Variants in ABRAXAS2 observed in about 807,000 individuals in gnomAD.
The protein encoded by ABRAXAS2 is BRISC complex subunit Abraxas 2.
Under a neutral mutation model 49.0 loss-of-function variants are expected in ABRAXAS2, and 23 were observed. The observed-to-expected ratio is 0.47, with a 90% CI of 0.34 to 0.66. The LOEUF (loss-of-function observed/expected upper bound fraction) is 0.66. Ranked by LOEUF, ABRAXAS2 falls within the 30% of genes least tolerant of loss-of-function variation. The pLI is 0.01. For synonymous variants in ABRAXAS2, 168 were observed against 180.2 expected, an observed-to-expected ratio of 0.93 and a Z score of 0.54; for missense variants, 443 against 511.9, an observed-to-expected ratio of 0.87 and a Z score of 1.30.
chr10:124,805,414 A>G (rs1197462286), intron 1 of ABRAXAS2, among the ~76,000 whole-genome samples: 1 of 152,248 alleles, frequency 6.6e-6, no homozygotes, highest in East Asian at 1.9e-4. Flanking sequence ...ATGTTTTTAA[A>G]CAGGAAACTT....
At chr10:124,804,193 G>A (rs570225742) in intron 1 of ABRAXAS2, among the ~76,000 whole-genome samples, 10 of 152,238 alleles carry the variant, frequency 6.6e-5, no homozygotes, top group Non-Finnish European at 1.0e-4. Context: ...GTGACCCACC[G>A]CATCTGACCT....
intron 8 of ABRAXAS2, among the ~76,000 whole-genome samples, chr10:124,832,990 AC>A (rs1273724027): frequency 6.6e-6 from 1 of 151,392 alleles, no homozygotes; most frequent in Non-Finnish European, 1.5e-5. Context: ...TACTAAAAAT[AC>A]AAAAATTAGC....
At chr10:124,819,973 T>A (rs888099278) in intron 4 of ABRAXAS2, among the ~76,000 whole-genome samples, 1 of 152,336 alleles carries the variant, frequency 6.6e-6, no homozygotes, top group Non-Finnish European at 1.5e-5. Context: ...TAATTTACCG[T>A]GTTATACTAT....
intron 4 of ABRAXAS2, among the ~76,000 whole-genome samples, chr10:124,823,807 G>A (rs1950877625): frequency 6.6e-6 from 1 of 152,210 alleles, no homozygotes; most frequent in African/African-American, 2.4e-5. Flanking sequence ...CAGTAGCTTT[G>A]CAACTAGTTT....
chr10:124,832,611 G>A (rs1319546327), intron 8 of ABRAXAS2, among the ~76,000 whole-genome samples: 5 of 151,618 alleles, frequency 3.3e-5, no homozygotes, highest in Non-Finnish European at 5.9e-5. Flanking sequence ...TTGGGAGGCC[G>A]AGGCAGGCAG....
At chr10:124,808,753 G>T (rs1171672753) in intron 2 of ABRAXAS2, among the ~76,000 whole-genome samples, 5 of 152,194 alleles carry the variant, frequency 3.3e-5, no homozygotes, top group Non-Finnish European at 7.3e-5. Flanking sequence ...ACAGAACGAG[G>T]TCTGCATAAA....
At chr10:124,834,297 T>G (rs1950953435) in intron 8 of ABRAXAS2, among the ~76,000 whole-genome samples, 1 of 152,192 alleles carries the variant, frequency 6.6e-6, no homozygotes, top group South Asian at 2.1e-4. Context: ...CTTCAGAAAT[T>G]TGTCATGGCC....
chr10:124,828,235 G>A (rs933906276), intron 5 of ABRAXAS2, among the ~76,000 whole-genome samples: 55 of 152,042 alleles, frequency 3.6e-4, no homozygotes, highest in Admixed American at 1.3e-4. Flanking sequence ...CTTACCCTGT[G>A]ACCAGGCTGG....
chr10:124,826,817 TAAG>T (rs1950899098), intron 5 of ABRAXAS2, 32 bp downstream of exon 5: 3 of 1,606,500 alleles, frequency 1.9e-6, no homozygotes, highest in Admixed American at 1.7e-5. Context: ...GCCTCACATA[TAAG>T]AAGGACGTTG....
At chr10:124,816,222 A>G (rs528907377) in intron 2 of ABRAXAS2, among the ~76,000 whole-genome samples, 21 of 152,066 alleles carry the variant, frequency 1.4e-4, no homozygotes, top group African/African-American at 5.1e-4. Flanking sequence ...CTTTTATCCC[A>G]CTTGATTAAA....
chr10:124,818,041 TC>T (rs1192860863), intron 3 of ABRAXAS2, among the ~76,000 whole-genome samples: 1 of 152,130 alleles, frequency 6.6e-6, no homozygotes, highest in African/African-American at 2.4e-5. Context: ...CTCAGCCTTC[TC>T]AGGAATTCAT....
chr10:124,819,918 A>G (rs1950851084), intron 4 of ABRAXAS2, among the ~76,000 whole-genome samples: 1 of 152,248 alleles, frequency 6.6e-6, no homozygotes, highest in Non-Finnish European at 1.5e-5. Context: ...AACTGAAAAT[A>G]AACCAAAGTT....
chr10:124,801,850 C>T lies in ABRAXAS2; in HGVS notation c.21C>T (p.Gly7=). 10 of 1,613,552 alleles carry T rather than the reference C, an allele frequency of 6.2e-6. No homozygotes were observed. Among genetic ancestry groups the T allele is most frequent in the Non-Finnish European group, 8.5e-6 (10 of 1,179,830 alleles). Residue 7 remains glycine, a synonymous_variant, in exon 1 of 9, where the codon GGC becomes GGT. Transcript: ENST00000298492. The stretch of plus-strand genomic sequence containing the variant: ...CCATCATGGCGGCGTCCATTTCGGG[C>T]TACACCTTCAGTGCTGTGTGTTTCC... MAASIS[G]YTFSAVCFHS... is the part of the protein sequence containing the mutation.
At chr10:124,813,893 T>C (rs930832884) in intron 2 of ABRAXAS2, among the ~76,000 whole-genome samples, 1 of 152,246 alleles carries the variant, frequency 6.6e-6, no homozygotes, top group Non-Finnish European at 1.5e-5. Context: ...GTTTTTCTTT[T>C]CCCTGAACTC....
At chr10:124,810,537 G>C (rs1296718823) in intron 2 of ABRAXAS2, among the ~76,000 whole-genome samples, 1 of 151,910 alleles carries the variant, frequency 6.6e-6, no homozygotes, top group Non-Finnish European at 1.5e-5. Context: ...AAAGAAAAAA[G>C]ACTTGCGATG....
At chr10:124,832,367 A>G (rs561665503) in intron 8 of ABRAXAS2, among the ~76,000 whole-genome samples, 2 of 152,320 alleles carry the variant, frequency 1.3e-5, no homozygotes, top group Admixed American at 6.5e-5. Flanking sequence ...TAACACCACC[A>G]GAATTAATAT....
At chr10:124,812,798 A>G (rs540851788) in intron 2 of ABRAXAS2, among the ~76,000 whole-genome samples, 42 of 152,368 alleles carry the variant, frequency 2.8e-4, no homozygotes, top group African/African-American at 9.1e-4. Context: ...CAGAATAACA[A>G]TGTTTTAAAT....
At chr10:124,808,730 C>T (rs542053365) in intron 2 of ABRAXAS2, among the ~76,000 whole-genome samples, 2 of 152,308 alleles carry the variant, frequency 1.3e-5, no homozygotes, top group Non-Finnish European at 2.9e-5. Context: ...ATGGGCAGTA[C>T]ATTCAGGGGA....
intron 2 of ABRAXAS2, among the ~76,000 whole-genome samples, chr10:124,811,952 T>C (rs1371109959): frequency 2.0e-5 from 3 of 152,042 alleles, no homozygotes; most frequent in Admixed American, 1.3e-4. Context: ...TAATTTTGTA[T>C]TTTTAGGAGA....
Sources: allele counts gnomAD v4.1 joint callset (sites outside exome capture counted in the v4.1 genomes callset), GRCh38; gene constraint gnomAD v4.1.1; transcripts MANE v1.5; gene names NCBI Gene and HGNC (gene_info 2026-07-23, HGNC 2026-07-21).